The following DSE variants were observed in gnomAD, a reference collection of about 807,000 sequenced individuals.
The protein encoded by DSE is dermatan sulfate epimerase.
In DSE, 36 loss-of-function variants were observed where a neutral mutation model predicts 84.4. The ratio of observed to expected loss-of-function variants is 0.43; its 90% CI spans 0.33 to 0.56. The LOEUF (loss-of-function observed/expected upper bound fraction) is 0.56, where lower values mean the gene tolerates loss of function less well. Ranked by LOEUF, DSE falls within the 20% of genes least tolerant of loss-of-function variation. The pLI, the probability that DSE is intolerant of heterozygous loss-of-function variation, is 0.06. For missense variants in DSE, 862 were observed against 1,169.6 expected (o/e 0.74, Z 3.84); for synonymous variants, 410 against 430.1 (o/e 0.95, Z 0.58).
At chr6:116,265,877 A>T (rs1207816882) in intron 2 of DSE, among the ~76,000 whole-genome samples, 1 of 152,210 alleles carries the variant, frequency 6.6e-6, no homozygotes, top group Non-Finnish European at 1.5e-5. Context: ...ATGCTCCCAC[A>T]TCAAACCCTC....
chr6:116,417,073 T>C (rs1349065689), intron 2 of DSE, among the ~76,000 whole-genome samples: 1 of 152,226 alleles, frequency 6.6e-6, no homozygotes, highest in Non-Finnish European at 1.5e-5. Flanking sequence ...TATGTAAGTG[T>C]ATTTTTAACC....
intron 2 of DSE, chr6:116,279,432 T>C (rs781570420): frequency 4.3e-6 from 7 of 1,613,364 alleles, no homozygotes; most frequent in Non-Finnish European, 5.9e-6. Flanking sequence ...CGCCACAGAT[T>C]TCTAGGGCCT....
Position 116,443,185 on chromosome 6 carries a change from A to T in DSE, c.*5840A>T, listed in dbSNP as rs575888115. The stretch of plus-strand genomic sequence containing the variant: ...AATAAGTCTGGAGAGGGAATGTTTA[A>T]CTCCTAGCCCACAGGCAAAATGTGT... On this transcript the variant is annotated 3_prime_UTR_variant, in exon 6 of 6. Transcript: ENST00000644252. 1.3e-5 allele frequency: 2 copies of T among 152,298 alleles called. No individual in the cohort carries two copies. The highest frequency in any genetic ancestry group is 3.9e-4 in the East Asian group (2 of 5,190). The allele number at this position is 152,298 out of a possible 1,614,324, so 9.4% of individuals were successfully genotyped here. A position where few individuals can be genotyped will look rare whatever the true frequency, so the allele number is the denominator to read the frequency against.
chr6:116,430,825 T>C, intron 3 of DSE, 129 bp from the exon 4 acceptor site: 1 of 1,262,762 alleles, frequency 7.9e-7, no homozygotes, highest in Non-Finnish European at 1.1e-6. Context: ...CACTGACAAG[T>C]TGGAGTTTTA....
chr6:116,277,571 C>T (rs1475749933), intron 2 of DSE: 1 of 152,224 alleles, frequency 6.6e-6, no homozygotes, highest in Non-Finnish European at 1.5e-5. Context: ...TACAGGCCAA[C>T]TTCTTTGCCT....
intron 2 of DSE, among the ~76,000 whole-genome samples, chr6:116,296,465 T>C (rs1286719905): frequency 6.6e-6 from 1 of 152,072 alleles, no homozygotes; most frequent in Non-Finnish European, 1.5e-5. Context: ...ATAATAAATA[T>C]GAAAACATAA....
intron 2 of DSE, chr6:116,279,006 G>C (rs556124970): frequency 6.2e-7 from 1 of 1,614,138 alleles, no homozygotes; most frequent in African/African-American, 1.3e-5. Context: ...AGAAGCCCGG[G>C]ATATTCTGAA....
chr6:116,333,200 A>G (rs1210419824), intron 2 of DSE, among the ~76,000 whole-genome samples: 1 of 152,214 alleles, frequency 6.6e-6, no homozygotes. Flanking sequence ...GTCTTGTCTT[A>G]GTCCATTTTC....
chr6:116,277,884 A>G (rs1054218692), intron 2 of DSE: 5 of 141,356 alleles, frequency 3.5e-5, no homozygotes, highest in Non-Finnish European at 6.0e-5. Flanking sequence ...CCTGGGCGAC[A>G]GAGCAAGACT....
intron 2 of DSE, among the ~76,000 whole-genome samples, chr6:116,352,725 C>T (rs1271888313): frequency 6.6e-6 from 1 of 152,116 alleles, no homozygotes; most frequent in Non-Finnish European, 1.5e-5. Flanking sequence ...AGAGTTTACT[C>T]ATTCCAATAA....
chr6:116,428,288 C>T (rs1335464839), intron 3 of DSE, among the ~76,000 whole-genome samples: 2 of 152,066 alleles, frequency 1.3e-5, no homozygotes. Flanking sequence ...AAGCCCCAGG[C>T]CTGTGAAAAG....
At chr6:116,383,609 T>C (rs1052989589) in intron 1 of DSE, among the ~76,000 whole-genome samples, 2 of 152,206 alleles carry the variant, frequency 1.3e-5, no homozygotes, top group African/African-American at 4.8e-5. Context: ...GAGTTTTTAA[T>C]TTTTTTAAAT....
chr6:116,347,098 C>T (rs927310863), intron 2 of DSE, among the ~76,000 whole-genome samples: 1 of 152,044 alleles, frequency 6.6e-6, no homozygotes, highest in Non-Finnish European at 1.5e-5. Flanking sequence ...AACTACAGAC[C>T]ACTGCTCAAT....
intron 2 of DSE, among the ~76,000 whole-genome samples, chr6:116,268,860 T>G (rs1056742368): frequency 2.0e-5 from 3 of 152,146 alleles, no homozygotes; most frequent in Admixed American, 6.5e-5. Flanking sequence ...AGATCATATT[T>G]CAGTAAAATA....
At chr6:116,383,182 A>G (rs1780348032) in intron 1 of DSE, among the ~76,000 whole-genome samples, 1 of 152,210 alleles carries the variant, frequency 6.6e-6, no homozygotes, top group African/African-American at 2.4e-5. Context: ...ATCACCTGAC[A>G]GGTGATCATC....
intron 1 of DSE, among the ~76,000 whole-genome samples, chr6:116,397,608 C>A (rs1188628016): frequency 6.6e-6 from 1 of 152,216 alleles, no homozygotes; most frequent in African/African-American, 2.4e-5. Context: ...CCACACCCCT[C>A]CTCAGGCATA....
chr6:116,413,308 T>C (rs1156661473), intron 2 of DSE, among the ~76,000 whole-genome samples: 1 of 152,206 alleles, frequency 6.6e-6, no homozygotes, highest in Non-Finnish European at 1.5e-5. Flanking sequence ...TTATATTCAT[T>C]TCACAGTATA....
At chr6:116,313,814 C>G (rs1562223443) in intron 2 of DSE, among the ~76,000 whole-genome samples, 1 of 152,130 alleles carries the variant, frequency 6.6e-6, no homozygotes, top group African/African-American at 2.4e-5. Context: ...GTTTTAAGTT[C>G]ATGAACATGC....
intron 2 of DSE, chr6:116,412,850 C>T (rs561774993): frequency 1.4e-5 from 2 of 142,548 alleles, no homozygotes; most frequent in African/African-American, 5.1e-5. Context: ...TTGTTTCCCT[C>T]CCTCCCTCCC....
Sources: allele counts gnomAD v4.1 joint callset (sites outside exome capture counted in the v4.1 genomes callset), GRCh38; gene constraint gnomAD v4.1.1; transcripts MANE v1.5; gene names NCBI Gene and HGNC (gene_info 2026-07-23, HGNC 2026-07-21).